The following CWC22 variants were observed in gnomAD, a reference collection of about 807,000 sequenced individuals.
CWC22 encodes the protein CWC22 spliceosome associated protein, also known as pre-mRNA-splicing factor CWC22 homolog.
CWC22 carries 53 observed loss-of-function variants against 117.2 expected under a neutral mutation model. The observed-to-expected ratio is 0.45, with a 90% CI of 0.36 to 0.57. The LOEUF is 0.57. CWC22 is among the 20% of genes least tolerant of loss of function. The probability of loss-of-function intolerance (pLI) is 0.00; values close to 1 mark genes in which losing one functional copy is unlikely to be tolerated. For synonymous variants in CWC22, 360 were observed against 355.6 expected (o/e 1.01, Z -0.14); for missense variants, 980 against 1,068.8 (o/e 0.92, Z 1.16).
chr2:179,980,747 C>T (rs12999731), intron 5 of CWC22, among the ~76,000 whole-genome samples: 1 of 152,136 alleles, frequency 6.6e-6, no homozygotes, highest in South Asian at 2.1e-4. Flanking sequence ...TTTCAAATTG[C>T]TACTAAAACA....
intron 7 of CWC22, 65 bp from the exon 8 acceptor site, chr2:179,973,311 T>A: frequency 9.3e-6 from 10 of 1,079,356 alleles, no homozygotes; most frequent in Non-Finnish European, 9.7e-6. Flanking sequence ...TTACATAATC[T>A]ATGGCCTACT....
chr2:179,947,252 T>C (rs1362861085), intron 19 of CWC22, among the ~76,000 whole-genome samples: 3 of 152,186 alleles, frequency 2.0e-5, no homozygotes, highest in African/African-American at 7.2e-5. Context: ...GGTTTGCCAC[T>C]AAGGACCTAT....
intron 1 of CWC22, among the ~76,000 whole-genome samples, chr2:180,004,386 T>C (rs1362730248): frequency 6.6e-6 from 1 of 152,062 alleles, no homozygotes; most frequent in Non-Finnish European, 1.5e-5. Context: ...ACTTCTTTTT[T>C]TCTTCTTCTT....
intron 2 of CWC22, among the ~76,000 whole-genome samples, chr2:179,991,590 G>A (rs1356789951): frequency 6.6e-6 from 1 of 152,162 alleles, no homozygotes; most frequent in Non-Finnish European, 1.5e-5. Context: ...GAGAAGCAGA[G>A]ACTAAGAGGA....
At chr2:179,978,905 T>C (rs1384756268) in intron 5 of CWC22, among the ~76,000 whole-genome samples, 1 of 152,210 alleles carries the variant, frequency 6.6e-6, no homozygotes, top group East Asian at 1.9e-4. Flanking sequence ...TCTATGTTGA[T>C]GTAGTAGTCC....
At chr2:179,997,016 G>C (rs1051785842) in intron 1 of CWC22, among the ~76,000 whole-genome samples, 1 of 152,126 alleles carries the variant, frequency 6.6e-6, no homozygotes, top group Non-Finnish European at 1.5e-5. Context: ...AATGATGCTA[G>C]ATGGAAACTG....
At chr2:179,967,533 G>A (rs1337376943) in intron 11 of CWC22, among the ~76,000 whole-genome samples, 1 of 152,148 alleles carries the variant, frequency 6.6e-6, no homozygotes, top group Non-Finnish European at 1.5e-5. Context: ...AAGCAATGGA[G>A]GTTAAAACTT....
At position 179,954,965 on chromosome 2, in the gene CWC22, A is replaced by G; in HGVS notation, c.1528T>C (p.Leu510=). 3 of 1,589,486 alleles carry G rather than the reference A, an allele frequency of 1.9e-6. No individual in the cohort carries two copies. Among genetic ancestry groups the G allele is most frequent in the African/African-American group, 1.3e-5 (1 of 74,620 alleles). ...TAGAGGCTGGAACTCACCCCAGCTA[A>G]TAAGCCAAAAAATTTTTCGTATGTC... ...QRTYEKFFGL[L]AGRFCMLKKE... Residue 510 remains leucine (L), a synonymous_variant, in exon 15 of 20, where the codon TTA becomes CTA. Transcript: ENST00000410053.
chr2:179,988,161 T>C (rs749398008), intron 3 of CWC22, among the ~76,000 whole-genome samples: 17 of 152,324 alleles, frequency 1.1e-4, no homozygotes, highest in Non-Finnish European at 2.2e-4. Flanking sequence ...CTGTGTGGCC[T>C]GGTCCATGGC....
intron 8 of CWC22, among the ~76,000 whole-genome samples, chr2:179,971,349 A>G (rs1233849173): frequency 6.6e-6 from 1 of 152,174 alleles, no homozygotes; most frequent in Non-Finnish European, 1.5e-5. Context: ...TTCAGAAGAA[A>G]TATTCTTAGC....
At chr2:180,005,023 GAAAA>G (rs1156980514) in intron 1 of CWC22, among the ~76,000 whole-genome samples, 1 of 129,520 alleles carries the variant, frequency 7.7e-6, no homozygotes. Flanking sequence ...AATGCTTTCG[GAAAA>G]AAAAAAAAAA....
intron 3 of CWC22, among the ~76,000 whole-genome samples, chr2:179,987,464 G>A (rs1288519482): frequency 6.6e-6 from 1 of 152,124 alleles, no homozygotes; most frequent in East Asian, 1.9e-4. Context: ...AAATACCTGT[G>A]TGTGTGTGTG....
intron 17 of CWC22, among the ~76,000 whole-genome samples, chr2:179,951,281 T>A (rs1325724690): frequency 6.6e-6 from 1 of 151,782 alleles, no homozygotes; most frequent in African/African-American, 2.4e-5. Flanking sequence ...GTACAAAAAA[T>A]TTTAAAAACC....
intron 7 of CWC22, among the ~76,000 whole-genome samples, 181 bp from the exon 8 acceptor site, chr2:179,973,427 T>C (rs541566256): frequency 1.2e-4 from 19 of 152,250 alleles, no homozygotes; most frequent in Non-Finnish European, 2.5e-4. Flanking sequence ...TAAATAGTTA[T>C]AGTTCTACAG....
intron 1 of CWC22, among the ~76,000 whole-genome samples, chr2:180,004,189 T>C (rs1687914018): frequency 6.6e-6 from 1 of 152,152 alleles, no homozygotes; most frequent in African/African-American, 2.4e-5. Context: ...CATGACCAAG[T>C]TAGGGATATG....
chr2:179,958,700 A>G (rs1477097720), intron 14 of CWC22, among the ~76,000 whole-genome samples: 1 of 152,182 alleles, frequency 6.6e-6, no homozygotes, highest in Non-Finnish European at 1.5e-5. Context: ...CACATAATCC[A>G]TTAAAGAACA....
chr2:179,982,057 A>C, intron 4 of CWC22, 60 bp from the exon 5 acceptor site: 1 of 875,288 alleles, frequency 1.1e-6, no homozygotes, highest in Non-Finnish European at 1.8e-6. Flanking sequence ...CTTAGCAATT[A>C]ACTGCACACA....
intron 1 of CWC22, among the ~76,000 whole-genome samples, chr2:180,000,723 T>A (rs959428465): frequency 6.6e-6 from 1 of 151,910 alleles, no homozygotes; most frequent in Admixed American, 6.6e-5. Flanking sequence ...CTGTAAGAAG[T>A]AAGTAATATA....
At chr2:179,986,450 T>C (rs570675779) in intron 4 of CWC22, among the ~76,000 whole-genome samples, 2 of 152,240 alleles carry the variant, frequency 1.3e-5, no homozygotes, top group African/African-American at 4.8e-5. Flanking sequence ...TTTCAAAACA[T>C]GAACAAATTA....
Sources: gnomAD v4.1 joint callset for allele counts (sites outside exome capture counted in the v4.1 genomes callset) on GRCh38, gnomAD v4.1.1 for gene constraint, MANE v1.5 for transcripts, NCBI Gene and HGNC (gene_info 2026-07-23, HGNC 2026-07-21) for gene names.